Variants in AHCYL1 observed in about 807,000 individuals in gnomAD.
AHCYL1 encodes adenosylhomocysteinase like 1.
A neutral mutation model predicts 79.3 loss-of-function variants in AHCYL1; 20 were observed. The ratio of observed to expected loss-of-function variants is 0.25; its 90% confidence interval spans 0.18 to 0.37. AHCYL1 has a LOEUF of 0.37. Among genes scored for constraint, AHCYL1 ranks in the 10% least tolerant of loss-of-function variants. AHCYL1 has a pLI of 1.00. For synonymous variants in AHCYL1, 223 were observed against 242.2 expected, an observed-to-expected ratio of 0.92 and a Z score of 0.74; for missense variants, 330 against 673.6, an observed-to-expected ratio of 0.49 and a Z score of 5.65.
chr1:109,989,724 C>A (rs1247015800), intron 1 of AHCYL1, among the ~76,000 whole-genome samples: 1 of 152,156 alleles, frequency 6.6e-6, no homozygotes, highest in African/African-American at 2.4e-5. Flanking sequence ...ACCTGTTTCT[C>A]AAGTTTGGGA....
At chr1:110,020,692 G>GA in intron 15 of AHCYL1, 39 bp from the exon 16 acceptor site, 5 of 1,545,684 alleles carry the variant, frequency 3.2e-6, no homozygotes, top group Non-Finnish European at 4.3e-6. Context: ...GAGACATTTT[G>GA]AAAAGGAGTC....
intron 15 of AHCYL1, 74 bp from the exon 16 acceptor site, chr1:110,020,657 A>G: frequency 6.7e-7 from 1 of 1,501,064 alleles, no homozygotes; most frequent in East Asian, 2.4e-5. Flanking sequence ...AAAGCTTCAA[A>G]TGAAAATGGG....
intron 1 of AHCYL1, among the ~76,000 whole-genome samples, chr1:109,994,247 T>C (rs1649908895): frequency 6.8e-6 from 1 of 147,864 alleles, no homozygotes; most frequent in Admixed American, 6.8e-5. Context: ...ACCTTCAGAA[T>C]TTTGCTATTT....
At chr1:109,992,408 C>CAA (rs57891226) in intron 1 of AHCYL1, among the ~76,000 whole-genome samples, 145 of 72,502 alleles carry the variant, frequency 2.0e-3, no homozygotes, top group South Asian at 3.4e-3. Context: ...GACTCCGTCT[C>CAA]AAAAAAAAAA....
chr1:110,019,027 C>T, intron 13 of AHCYL1, 24 bp from the exon 14 acceptor site: 1 of 1,610,528 alleles, frequency 6.2e-7, no homozygotes. Flanking sequence ...GAGCTCATCC[C>T]AGGGCTCTCT....
intron 1 of AHCYL1, chr1:110,004,220 A>C (rs913502685): frequency 1.0e-6 from 1 of 985,562 alleles, no homozygotes; most frequent in Non-Finnish European, 1.2e-6. Context: ...GGGGGAAGAT[A>C]TGTGCTGAGA....
At chr1:110,021,633 G>A in intron 16 of AHCYL1, 41 bp from the exon 17 acceptor site, 1 of 1,602,930 alleles carries the variant, frequency 6.2e-7, no homozygotes, top group Non-Finnish European at 8.5e-7. Context: ...ATTCTCATAT[G>A]GAAGACATAA....
chr1:109,984,979 G>T lies in AHCYL1; in HGVS notation c.-74G>T. 5 of 1,374,606 alleles carry T rather than the reference G, an allele frequency of 3.6e-6. No homozygotes were observed. The highest frequency in any genetic ancestry group is 3.8e-6 in the Non-Finnish European group (4 of 1,066,396). 85.2% of individuals were successfully genotyped at this position (1,374,606 alleles called of 1,614,324 possible). ...GATCGCGTGTCGGAGGGCGCCGCGCGGGCAGGCGGGCGGGCGCCAGAGGGG... is the reference window on the plus strand; with the variant it reads ...GATCGCGTGTCGGAGGGCGCCGCGCTGGCAGGCGGGCGGGCGCCAGAGGGG... On this transcript the variant is annotated 5_prime_UTR_variant, in exon 1 of 17. Coordinates refer to ENST00000369799, the MANE Select transcript of AHCYL1 (RefSeq NM_006621.7).
intron 1 of AHCYL1, among the ~76,000 whole-genome samples, chr1:110,003,647 A>C (rs1650457092): frequency 6.6e-6 from 1 of 152,094 alleles, no homozygotes; most frequent in Non-Finnish European, 1.5e-5. Context: ...TATCGGGAGA[A>C]ACAGAGATGA....
chr1:110,000,817 C>T (rs1650272981), intron 1 of AHCYL1: 1 of 368,774 alleles, frequency 2.7e-6, no homozygotes, highest in African/African-American at 2.2e-5. Flanking sequence ...AGTCACTTAG[C>T]CCCAACCCCT....
intron 3 of AHCYL1, 51 bp from the exon 4 acceptor site, chr1:110,012,311 C>T: frequency 6.5e-7 from 1 of 1,535,298 alleles, no homozygotes; most frequent in Non-Finnish European, 9.0e-7. Flanking sequence ...GGGGCAGGAA[C>T]TGATGATACT....
intron 1 of AHCYL1, among the ~76,000 whole-genome samples, chr1:110,007,146 T>C (rs1650705031): frequency 6.6e-6 from 1 of 152,176 alleles, no homozygotes; most frequent in East Asian, 1.9e-4. Context: ...GCAAGTGTTA[T>C]TGCAGTTCCC....
At chr1:110,017,101 A>G (rs1224011965) in intron 9 of AHCYL1, among the ~76,000 whole-genome samples, 1 of 152,226 alleles carries the variant, frequency 6.6e-6, no homozygotes, top group South Asian at 2.1e-4. Flanking sequence ...CCAAACTGGA[A>G]TAGGTCACAT....
At chr1:109,998,770 G>A (rs1650155877) in intron 1 of AHCYL1, among the ~76,000 whole-genome samples, 2 of 152,214 alleles carry the variant, frequency 1.3e-5, no homozygotes, top group Non-Finnish European at 2.9e-5. Context: ...GGGCCACCGA[G>A]CCTGGCCATA....
At chr1:109,987,109 C>G (rs987634983) in intron 1 of AHCYL1, among the ~76,000 whole-genome samples, 3 of 152,174 alleles carry the variant, frequency 2.0e-5, no homozygotes, top group Non-Finnish European at 4.4e-5. Flanking sequence ...AAGTTTTATT[C>G]TTTAGCATTT....
chr1:109,992,081 C>G (rs111340642), intron 1 of AHCYL1, among the ~76,000 whole-genome samples: 4,309 of 140,058 alleles, frequency 0.031, 207 homozygotes, highest in African/African-American at 0.12. Flanking sequence ...AATCTGGGGG[C>G]GGGGGGAAGA....
At position 110,009,095 on chromosome 1, in the gene AHCYL1, G is replaced by A; in HGVS notation, c.182G>A (p.Arg61Lys). The A allele has an allele frequency of 1.9e-6, 3 of 1,614,012 alleles. No individual in the cohort carries two copies. The highest frequency in any genetic ancestry group is 2.5e-6 in the Non-Finnish European group (3 of 1,179,942). Residue 61 changes from arginine to lysine, a missense_variant, in exon 2 of 17, where the codon AGA (arginine) becomes AAA (lysine). Transcript: ENST00000369799. Reference sequence around the variant, plus strand: ...AAATTCCCCACCAAAACTGGCCGAAGATCTTTGTCTCGCTCGATCTCACAG... The same window carrying A: ...AAATTCCCCACCAAAACTGGCCGAAAATCTTTGTCTCGCTCGATCTCACAG... ...FTKFPTKTGR[R>K]SLSRSISQSS... is the part of the protein sequence containing the mutation.
intron 1 of AHCYL1, among the ~76,000 whole-genome samples, chr1:110,008,580 G>A (rs1367266677): frequency 2.2e-5 from 2 of 89,826 alleles, no homozygotes; most frequent in South Asian, 4.7e-4. Flanking sequence ...CTTTCAGAAA[G>A]CAAGACCATT....
At chr1:109,994,887 T>C (rs1434932504) in intron 1 of AHCYL1, among the ~76,000 whole-genome samples, 1 of 152,218 alleles carries the variant, frequency 6.6e-6, no homozygotes, top group Admixed American at 6.5e-5. Context: ...TTGTAGCTGC[T>C]GTAGAATCTG....
Sources: gnomAD v4.1 joint callset for allele counts (sites outside exome capture counted in the v4.1 genomes callset) on GRCh38, gnomAD v4.1.1 for gene constraint, MANE v1.5 for transcripts, NCBI Gene and HGNC (gene_info 2026-07-23, HGNC 2026-07-21) for gene names.